The following HEXIM2 variants were observed in gnomAD, a reference collection of about 807,000 sequenced individuals.
HEXIM2 encodes the protein protein HEXIM2.
For synonymous variants in HEXIM2, 159 were observed against 162.7 expected (o/e 0.98, Z 0.17); for missense variants, 413 against 390.8 (o/e 1.06, Z -0.48).
upstream of HEXIM2, chr17:45,161,429 C>T (rs779022106): frequency 2.2e-4 from 39 of 174,806 alleles, no homozygotes; most frequent in Middle Eastern, 0.015. Flanking sequence ...CCTCTCCCCG[C>T]GCCCGGACCA....
chr17:45,164,637 A>T (rs2042790094), intron 3 of HEXIM2, among the ~76,000 whole-genome samples: 1 of 152,188 alleles, frequency 6.6e-6, no homozygotes, highest in South Asian at 2.1e-4. Flanking sequence ...ACTTTCTCAA[A>T]AATAATAATA....
In HEXIM2 at chr17:45,169,086, A is replaced by C; in HGVS notation, c.138A>C (p.Thr46=). ...ACTCTGGTGGTTCCCTGCCCCTGACACCGCGGATGGAGAGCCACTCAGAGG... is the reference window on the plus strand; with the variant it reads ...ACTCTGGTGGTTCCCTGCCCCTGACCCCGCGGATGGAGAGCCACTCAGAGG... The part of the protein sequence containing the change: ...RHDSGGSLPL[T]PRMESHSEDE... The change falls in exon 4 of 4, where the codon ACA becomes ACC. Residue 46 remains threonine (T), a synonymous_variant. Transcript: ENST00000589230. 1 of 1,612,814 alleles carries C rather than the reference A, an allele frequency of 6.2e-7. No individual in the cohort carries two copies. Among genetic ancestry groups the C allele is most frequent in the Non-Finnish European group, 8.5e-7 (1 of 1,179,322 alleles).
At chr17:45,168,970 G>A in intron 3 of HEXIM2, 45 bp from the exon 4 acceptor site, 1 of 1,536,440 alleles carries the variant, frequency 6.5e-7, no homozygotes. Flanking sequence ...CCACCTCCAA[G>A]GACAGGCTGT....
intron 3 of HEXIM2, among the ~76,000 whole-genome samples, chr17:45,166,581 A>G (rs976557624): frequency 2.7e-5 from 4 of 150,408 alleles, no homozygotes; most frequent in African/African-American, 9.7e-5. Flanking sequence ...TGAGGAAGAC[A>G]GATGTTAAAT....
At chr17:45,163,372 G>C (rs2042757004) in intron 3 of HEXIM2, among the ~76,000 whole-genome samples, 1 of 150,000 alleles carries the variant, frequency 6.7e-6, no homozygotes, top group South Asian at 2.1e-4. Flanking sequence ...TTTCAGGTAG[G>C]AATTATTTCC....
chr17:45,169,755 G>A lies in HEXIM2; in HGVS notation c.807G>A (p.Glu269=). Reference sequence around the variant, plus strand: ...CCGAAAACCAGCGGCTTCGTCAGGAGAACCAGATGTGGAACCGAGAGGGCT... The same window carrying A: ...CCGAAAACCAGCGGCTTCGTCAGGAAAACCAGATGTGGAACCGAGAGGGCT... ...LRTENQRLRQ[E]NQMWNREGCR... Residue 269 remains glutamate, a synonymous_variant, in exon 4 of 4, where the codon GAG becomes GAA. Coordinates refer to ENST00000589230, the MANE Select transcript of HEXIM2 (RefSeq NM_001303441.2). 1 of 1,473,016 alleles carries A rather than the reference G, an allele frequency of 6.8e-7. No homozygotes were observed. 91.2% of individuals were successfully genotyped at this position (1,473,016 alleles called of 1,614,324 possible). A position where few individuals can be genotyped will look rare whatever the true frequency, so the allele number is the denominator to read the frequency against.
At chr17:45,167,665 C>T (rs112490870) in intron 3 of HEXIM2, among the ~76,000 whole-genome samples, 5,123 of 152,170 alleles carry the variant, frequency 0.034, 289 homozygotes, top group African/African-American at 0.12. Flanking sequence ...CTCACTCTGT[C>T]GCCCAGGCTG....
rs1211173469 is a variant in HEXIM2, at chr17:45,169,873, G to C, written c.*64G>C. On this transcript the variant is annotated 3_prime_UTR_variant, in exon 4 of 4. Transcript: ENST00000589230. Reference sequence around the variant, plus strand: ...CATTTCGTGCACACTCAGGCCAGCTGGGTCTCAAGGAGGCAGGTGGCAGAT... The same window carrying C: ...CATTTCGTGCACACTCAGGCCAGCTCGGTCTCAAGGAGGCAGGTGGCAGAT... 2.1e-5 allele frequency: 29 copies of C among 1,357,206 alleles called. No individual in the cohort carries two copies. Among genetic ancestry groups the C allele is most frequent in the Non-Finnish European group, 2.8e-5 (29 of 1,042,020 alleles). The allele number at this position is 1,357,206 out of a possible 1,614,324, so 84.1% of individuals were successfully genotyped here.
upstream of HEXIM2, chr17:45,160,903 T>C (rs1265080700): frequency 7.8e-7 from 1 of 1,289,658 alleles, no homozygotes; most frequent in Non-Finnish European, 1.0e-6. Flanking sequence ...TCGTGGTTTT[T>C]CGCAACCCGG....
intron 3 of HEXIM2, among the ~76,000 whole-genome samples, chr17:45,167,331 C>CA (rs1033701497): frequency 2.1e-4 from 31 of 149,862 alleles, no homozygotes; most frequent in Middle Eastern, 3.4e-3. Flanking sequence ...CACACACACA[C>CA]AAAAAAAAAG....
chr17:45,166,060 G>A (rs966768885), intron 3 of HEXIM2, among the ~76,000 whole-genome samples: 1 of 152,112 alleles, frequency 6.6e-6, no homozygotes, highest in Non-Finnish European at 1.5e-5. Context: ...GCCTCCCAAA[G>A]TGCTGGGATT....
chr17:45,163,677 C>CT (rs1339346964), intron 3 of HEXIM2, among the ~76,000 whole-genome samples: 32 of 143,182 alleles, frequency 2.2e-4, no homozygotes, highest in East Asian at 8.5e-4. Context: ...GGTGAAACCT[C>CT]ATCTCTACTA....
In HEXIM2 at chr17:45,162,754, C is replaced by T; in HGVS notation, c.-40C>T. The T allele has an allele frequency of 6.2e-7, 1 of 1,613,542 alleles. No individual in the cohort carries two copies. The highest frequency in any genetic ancestry group is 8.5e-7 in the Non-Finnish European group (1 of 1,179,788). ...TTCTGTTGTTGTTCAAAGCAGGTGT[C>T]ACTAGTTCCAGGCGTCTGCTGAAAG... On this transcript the variant is annotated 5_prime_UTR_variant, in exon 3 of 4. Transcript: ENST00000589230.
chr17:45,162,578 T>C lies in HEXIM2; in HGVS notation c.-102T>C, dbSNP rs1040082642. 9 of 1,402,454 alleles carry C rather than the reference T, an allele frequency of 6.4e-6. No homozygotes were observed. The highest frequency in any genetic ancestry group is 2.8e-5 in the Admixed American group (1 of 35,202). The allele number at this position is 1,402,454 out of a possible 1,614,324, so 86.9% of individuals were successfully genotyped here. The stretch of plus-strand genomic sequence containing the variant: ...GAATCCCATTTGGCCCCTTGCTGGC[T>C]GGAGGTGTGAAAACCAGCGGTGGAG... On this transcript the variant is annotated 5_prime_UTR_variant, in exon 2 of 4. Coordinates refer to ENST00000589230, the MANE Select transcript of HEXIM2 (RefSeq NM_001303441.2).
upstream of HEXIM2, chr17:45,161,771 A>T (rs1334993571): frequency 1.7e-5 from 16 of 944,824 alleles, no homozygotes; most frequent in Non-Finnish European, 5.0e-6. Flanking sequence ...GCAAGGGTAG[A>T]TGGGTTTTGG....
intron 3 of HEXIM2, among the ~76,000 whole-genome samples, chr17:45,165,719 C>G (rs1235628540): frequency 6.6e-6 from 1 of 152,048 alleles, no homozygotes; most frequent in Non-Finnish European, 1.5e-5. Context: ...TACCACCTAC[C>G]AACTTCTGCC....
At position 45,162,622 on chromosome 17, in the gene HEXIM2, A is replaced by G; in HGVS notation, c.-58A>G. On this transcript the variant is annotated 5_prime_UTR_variant, in exon 2 of 4. Coordinates refer to ENST00000589230, the MANE Select transcript of HEXIM2 (RefSeq NM_001303441.2). ...GGTGGAGGCAGCCTTCGGGGCCTGCATTTGAGAATAAGGGTATGAAGGGCT... is the reference window on the plus strand; with the variant it reads ...GGTGGAGGCAGCCTTCGGGGCCTGCGTTTGAGAATAAGGGTATGAAGGGCT... 1 of 1,457,792 alleles carries G rather than the reference A, an allele frequency of 6.9e-7. No individual in the cohort carries two copies. Among genetic ancestry groups the G allele is most frequent in the Non-Finnish European group, 9.0e-7 (1 of 1,108,302 alleles). 90.3% of individuals were successfully genotyped at this position (1,457,792 alleles called of 1,614,324 possible). A position where few individuals can be genotyped will look rare whatever the true frequency, so the allele number is the denominator to read the frequency against.
chr17:45,164,273 T>G (rs370344451), intron 3 of HEXIM2, among the ~76,000 whole-genome samples: 5 of 151,952 alleles, frequency 3.3e-5, no homozygotes, highest in East Asian at 3.9e-4. Context: ...CTGACCAACA[T>G]GGAGAAACCC....
At chr17:45,161,238 G>A (rs1016795107), upstream of HEXIM2, 2 of 351,598 alleles carry the variant, frequency 5.7e-6, no homozygotes, top group Non-Finnish European at 1.1e-5. Flanking sequence ...TGGGGTCTCG[G>A]GAAACACGCG....
Sources: allele counts gnomAD v4.1 joint callset (sites outside exome capture counted in the v4.1 genomes callset), GRCh38; gene constraint gnomAD v4.1.1; transcripts MANE v1.5; gene names NCBI Gene and HGNC (gene_info 2026-07-23, HGNC 2026-07-21).